The following GALNT14 variants were observed in gnomAD, a reference collection of about 807,000 sequenced individuals.
The protein encoded by GALNT14 is polypeptide N-acetylgalactosaminyltransferase 14.
In GALNT14, 60 loss-of-function variants were observed where a neutral mutation model predicts 77.5. The observed-to-expected ratio is 0.77, with a 90% CI of 0.63 to 0.96. GALNT14 has a LOEUF of 0.96. Among genes scored for constraint, GALNT14 ranks in the 40% least tolerant of loss-of-function variants. The probability of loss-of-function intolerance (pLI) is 0.00; values close to 1 mark genes in which losing one functional copy is unlikely to be tolerated. For synonymous variants in GALNT14, 280 were observed against 281.7 expected (o/e 0.99, Z 0.06); for missense variants, 710 against 731.0 (o/e 0.97, Z 0.33).
intron 1 of GALNT14, among the ~76,000 whole-genome samples, chr2:31,074,407 A>ATT (rs58156416): frequency 5.3e-5 from 8 of 149,616 alleles, no homozygotes; most frequent in South Asian, 4.3e-4. Context: ...TCTTTGGGGG[A>ATT]TTTTTTTTTT....
intron 2 of GALNT14, among the ~76,000 whole-genome samples, chr2:30,971,357 G>T (rs1404470577): frequency 6.6e-6 from 1 of 152,120 alleles, no homozygotes; most frequent in African/African-American, 2.4e-5. Flanking sequence ...GAGCGGGAAA[G>T]ATTGGGGGCG....
rs142606785 is a variant in GALNT14 at position 31,066,235 on chromosome 2, C to A, written c.129+71723G>T. On this transcript the variant is annotated intron_variant, in intron 1 of 14. Coordinates refer to ENST00000349752, the MANE Select transcript of GALNT14 (RefSeq NM_024572.4). ...CTCCTCAGCTGAGCTGGTTGTAGGC[C>A]CCCCCAGAGGCCAGGGCATTACCAT... Among the ~76,000 whole-genome samples the A allele has an allele frequency of 8.5e-5, 13 of 152,198 alleles. No homozygotes were observed. In the South Asian group the frequency reaches 2.5e-3, roughly 29 times the overall value.
intron 13 of GALNT14, among the ~76,000 whole-genome samples, chr2:30,917,531 C>T (rs973431810): frequency 2.0e-5 from 3 of 152,226 alleles, no homozygotes; most frequent in Non-Finnish European, 4.4e-5. Context: ...TGTCAATACT[C>T]TCTCCAGGAG....
intron 1 of GALNT14, among the ~76,000 whole-genome samples, chr2:31,097,957 GT>G (rs1677082463): frequency 1.3e-5 from 2 of 152,116 alleles, no homozygotes; most frequent in Non-Finnish European, 2.9e-5. Flanking sequence ...TGTTTGCCTA[GT>G]TAATTTCCAT....
chr2:30,950,391 G>T (rs189302186), intron 6 of GALNT14, among the ~76,000 whole-genome samples: 8 of 152,316 alleles, frequency 5.3e-5, no homozygotes, highest in Admixed American at 5.2e-4. Context: ...GAGGACAGCG[G>T]ATGACAGCTG....
chr2:31,037,196 G>A (rs1042966259), intron 1 of GALNT14, among the ~76,000 whole-genome samples: 6 of 152,082 alleles, frequency 3.9e-5, no homozygotes, highest in Admixed American at 1.3e-4. Context: ...TCCTCAGACT[G>A]GATAATCTCA....
chr2:31,028,371 G>A (rs1327501501), intron 1 of GALNT14, among the ~76,000 whole-genome samples: 1 of 152,208 alleles, frequency 6.6e-6, no homozygotes, highest in African/African-American at 2.4e-5. Context: ...CGGAAAGCCA[G>A]ATCAGAACTC....
At chr2:31,116,028 T>C (rs146919719) in intron 1 of GALNT14, among the ~76,000 whole-genome samples, 25 of 152,132 alleles carry the variant, frequency 1.6e-4, no homozygotes, top group South Asian at 4.2e-4. Flanking sequence ...GTCTCCAAAA[T>C]ATATTTATTA....
At chr2:31,060,512 C>T (rs1274851993) in intron 1 of GALNT14, among the ~76,000 whole-genome samples, 2 of 152,330 alleles carry the variant, frequency 1.3e-5, no homozygotes, top group Non-Finnish European at 1.5e-5. Flanking sequence ...TCAGCCTTCA[C>T]AGACCATGGG....
chr2:30,918,171 C>G (rs1305715240), intron 13 of GALNT14, among the ~76,000 whole-genome samples: 1 of 152,188 alleles, frequency 6.6e-6, no homozygotes, highest in Admixed American at 6.5e-5. Context: ...TTATTTCCAG[C>G]CCATTCTGTC....
chr2:31,066,480 G>A (rs1224588892), intron 1 of GALNT14, among the ~76,000 whole-genome samples: 1 of 152,028 alleles, frequency 6.6e-6, no homozygotes, highest in Non-Finnish European at 1.5e-5. Context: ...AGAAACAAGG[G>A]GCTTATTTAT....
chr2:31,032,338 T>C (rs1202549273), intron 1 of GALNT14, among the ~76,000 whole-genome samples: 1 of 151,934 alleles, frequency 6.6e-6, no homozygotes, highest in Non-Finnish European at 1.5e-5. Flanking sequence ...AAGCCCAGGG[T>C]TGGGAATGAG....
At chr2:31,134,077 AG>A (rs1172327913) in intron 1 of GALNT14, among the ~76,000 whole-genome samples, 11 of 152,312 alleles carry the variant, frequency 7.2e-5, no homozygotes, top group Admixed American at 5.9e-4. Context: ...TCCTGTCACT[AG>A]GTGAGTGGAG....
At chr2:30,927,287 C>A (rs1375934368) in intron 11 of GALNT14, among the ~76,000 whole-genome samples, 1 of 152,204 alleles carries the variant, frequency 6.6e-6, no homozygotes, top group Non-Finnish European at 1.5e-5. Flanking sequence ...CTCTGATATG[C>A]AGACTAGTTT....
intron 1 of GALNT14, among the ~76,000 whole-genome samples, chr2:31,113,502 C>T (rs1677942513): frequency 6.6e-6 from 1 of 152,108 alleles, no homozygotes; most frequent in Admixed American, 6.5e-5. Flanking sequence ...GTCTCTGTGG[C>T]CCAGAGGAAG....
chr2:31,077,117 C>A (rs1176862290), intron 1 of GALNT14, among the ~76,000 whole-genome samples: 1 of 152,176 alleles, frequency 6.6e-6, no homozygotes, highest in Non-Finnish European at 1.5e-5. Context: ...ACAAACATCA[C>A]CCCATTTGTT....
intron 1 of GALNT14, among the ~76,000 whole-genome samples, chr2:31,050,503 G>A (rs1163114648): frequency 2.6e-5 from 4 of 152,138 alleles, no homozygotes; most frequent in East Asian, 1.9e-4. Context: ...AGCCTGCCTC[G>A]AAAGGGAAGG....
At chr2:30,988,387 G>C (rs141226606) in intron 2 of GALNT14, among the ~76,000 whole-genome samples, 1 of 152,294 alleles carries the variant, frequency 6.6e-6, no homozygotes, top group East Asian at 1.9e-4. Context: ...ATGGGGCCAG[G>C]AGTGACCCCA....
intron 1 of GALNT14, chr2:31,129,710 A>G (rs1678884016): frequency 7.4e-6 from 3 of 407,312 alleles, no homozygotes; most frequent in African/African-American, 2.2e-5. Context: ...ACCAGTCTCT[A>G]TGGCTGGGAG....
Sources: allele counts gnomAD v4.1 joint callset (sites outside exome capture counted in the v4.1 genomes callset), GRCh38; gene constraint gnomAD v4.1.1; transcripts MANE v1.5; gene names NCBI Gene and HGNC (gene_info 2026-07-23, HGNC 2026-07-21).